The following STAG1 variants were observed in gnomAD, a reference collection of about 807,000 sequenced individuals.
The protein encoded by STAG1 is STAG1 cohesin complex component.
STAG1 carries 26 observed loss-of-function variants against 170.9 expected under a neutral mutation model. That is an observed-to-expected ratio of 0.15 (90% CI 0.11 to 0.21). STAG1 has a LOEUF of 0.21. Among genes scored for constraint, STAG1 ranks in the 10% least tolerant of loss-of-function variants. The probability of loss-of-function intolerance (pLI) is 1.00; values close to 1 mark genes in which losing one functional copy is unlikely to be tolerated. For synonymous variants in STAG1, 514 were observed against 497.7 expected (o/e 1.03, Z -0.44); for missense variants, 964 against 1,509.5 (o/e 0.64, Z 5.99).
chr3:136,362,634 A>G (rs1560058986), intron 26 of STAG1, among the ~76,000 whole-genome samples: 1 of 151,068 alleles, frequency 6.6e-6, no homozygotes, highest in Non-Finnish European at 1.5e-5. Context: ...AAAAAAAAAG[A>G]AAAAAGAAAA....
chr3:136,746,714 C>G (rs1934950984), intron 1 of STAG1, among the ~76,000 whole-genome samples: 1 of 152,048 alleles, frequency 6.6e-6, no homozygotes, highest in Non-Finnish European at 1.5e-5. Flanking sequence ...TTTGGGAGGC[C>G]AAGGCAAGCA....
intron 9 of STAG1, chr3:136,499,917 C>A: frequency 5.7e-6 from 1 of 176,706 alleles, no homozygotes. Flanking sequence ...AATGTGAAAA[C>A]AAGAATATCT....
chr3:136,462,042 A>C (rs868699790), intron 13 of STAG1, among the ~76,000 whole-genome samples: 4 of 152,152 alleles, frequency 2.6e-5, no homozygotes, highest in Non-Finnish European at 4.4e-5. Context: ...AAAGACAAAA[A>C]AATAACATGC....
chr3:136,535,710 T>G (rs902208421), intron 6 of STAG1, among the ~76,000 whole-genome samples: 8 of 152,038 alleles, frequency 5.3e-5, no homozygotes, highest in Admixed American at 3.3e-4. Flanking sequence ...AGGAGAGGAC[T>G]TGAAATGGTA....
chr3:136,399,408 T>C (rs185217191), intron 21 of STAG1, among the ~76,000 whole-genome samples: 81 of 152,350 alleles, frequency 5.3e-4, no homozygotes, highest in African/African-American at 1.8e-3. Context: ...ATTTGGGAAT[T>C]GGTATATTTT....
At chr3:136,370,781 T>C (rs1442437012) in intron 23 of STAG1, among the ~76,000 whole-genome samples, 4 of 152,344 alleles carry the variant, frequency 2.6e-5, no homozygotes, top group East Asian at 1.9e-4. Context: ...TTGGGTTGGT[T>C]CCAAGTCTTT....
At chr3:136,423,926 C>T (rs900318902) in intron 16 of STAG1, among the ~76,000 whole-genome samples, 3 of 151,650 alleles carry the variant, frequency 2.0e-5, no homozygotes, top group Non-Finnish European at 2.9e-5. Flanking sequence ...TGCAGTGGCA[C>T]GATCTCGGCT....
intron 7 of STAG1, among the ~76,000 whole-genome samples, chr3:136,509,534 T>C (rs185652610): frequency 2.0e-5 from 3 of 152,216 alleles, no homozygotes; most frequent in Admixed American, 6.5e-5. Context: ...AGCAAGGAAG[T>C]TGACGGTATG....
chr3:136,359,060 G>T, intron 27 of STAG1, 88 bp downstream of exon 27: 1 of 1,063,344 alleles, frequency 9.4e-7, no homozygotes, highest in Non-Finnish European at 1.3e-6. Flanking sequence ...AAATTCTATC[G>T]TCACTTTAAA....
rs548967639 is a variant in STAG1, at chr3:136,668,255, C to T, written c.-83-37274G>A. ...CTCAAATATATATATATATAAAACA[C>T]ATTATATATTATACATAATATATAT... is the stretch of plus-strand genomic sequence containing the variant. On this transcript the variant is annotated intron_variant, in intron 1 of 33. Transcript: ENST00000383202. 9.3e-4 allele frequency among the ~76,000 whole-genome samples: 137 copies of T among 146,628 alleles called. 1 individual carries two copies. Among genetic ancestry groups the T allele is most frequent in the African/African-American group, 3.3e-3 (134 of 40,208 alleles).
chr3:136,470,786 A>G (rs1245335271), intron 12 of STAG1, among the ~76,000 whole-genome samples: 1 of 152,194 alleles, frequency 6.6e-6, no homozygotes, highest in Non-Finnish European at 1.5e-5. Context: ...CCTATACACC[A>G]TGGAATAGTA....
At chr3:136,707,768 C>T (rs1003710612) in intron 1 of STAG1, among the ~76,000 whole-genome samples, 6 of 152,138 alleles carry the variant, frequency 3.9e-5, no homozygotes, top group Non-Finnish European at 8.8e-5. Flanking sequence ...AATCCATTCC[C>T]TCAAGAATTA....
chr3:136,625,825 C>G (rs1422194146), intron 2 of STAG1, among the ~76,000 whole-genome samples: 1 of 152,200 alleles, frequency 6.6e-6, no homozygotes, highest in Non-Finnish European at 1.5e-5. Context: ...ATTACTTACC[C>G]ACTTGTAAAT....
chr3:136,557,099 T>C (rs1001406360), intron 5 of STAG1, among the ~76,000 whole-genome samples: 9 of 151,314 alleles, frequency 5.9e-5, no homozygotes, highest in African/African-American at 2.2e-4. Flanking sequence ...CCAGGTGTAG[T>C]GGTGGTGCGT....
At chr3:136,368,080 G>C (rs1343703120) in intron 24 of STAG1, among the ~76,000 whole-genome samples, 2 of 152,140 alleles carry the variant, frequency 1.3e-5, no homozygotes, top group Non-Finnish European at 2.9e-5. Context: ...TGAAGCATCA[G>C]TGGTTTGAGA....
At chr3:136,395,543 C>T (rs1478298330) in intron 22 of STAG1, among the ~76,000 whole-genome samples, 1 of 152,102 alleles carries the variant, frequency 6.6e-6, no homozygotes, top group African/African-American at 2.4e-5. Context: ...ATCACTTGAA[C>T]CCGGGAGGTA....
intron 2 of STAG1, among the ~76,000 whole-genome samples, chr3:136,629,494 C>T (rs893058527): frequency 6.6e-6 from 1 of 151,704 alleles, no homozygotes; most frequent in African/African-American, 2.4e-5. Context: ...TATATATGTT[C>T]ATATATTTAT....
At chr3:136,718,295 G>T (rs1932983777) in intron 1 of STAG1, among the ~76,000 whole-genome samples, 1 of 152,090 alleles carries the variant, frequency 6.6e-6, no homozygotes, top group African/African-American at 2.4e-5. Context: ...TTGAAGCTGG[G>T]TAAAAATTAT....
chr3:136,592,465 C>T (rs373584083), intron 4 of STAG1, among the ~76,000 whole-genome samples: 4 of 152,112 alleles, frequency 2.6e-5, no homozygotes, highest in Non-Finnish European at 2.9e-5. Context: ...TGCAGAACTG[C>T]GAGTCAATGA....
Sources: gnomAD v4.1 joint callset for allele counts (sites outside exome capture counted in the v4.1 genomes callset) on GRCh38, gnomAD v4.1.1 for gene constraint, MANE v1.5 for transcripts, NCBI Gene and HGNC (gene_info 2026-07-23, HGNC 2026-07-21) for gene names.